Variants in PKD1L1 observed in about 807,000 individuals in gnomAD.
PKD1L1 encodes the protein polycystin 1 like 1, transient receptor potential channel interacting, also known as polycystin-1-like protein 1.
In PKD1L1, 236 loss-of-function variants were observed where a neutral mutation model predicts 323.4. That is an observed-to-expected ratio of 0.73 (90% CI 0.66 to 0.81). The LOEUF (loss-of-function observed/expected upper bound fraction) is 0.81, where lower values mean the gene tolerates loss of function less well. PKD1L1 is among the 40% of genes least tolerant of loss of function. The pLI is 0.00. For missense variants in PKD1L1, 3,320 were observed against 3,508.0 expected, an observed-to-expected ratio of 0.95 and a Z score of 1.35; for synonymous variants, 1,344 against 1,335.0, an observed-to-expected ratio of 1.01 and a Z score of -0.15.
intron 18 of PKD1L1, among the ~76,000 whole-genome samples, chr7:47,885,484 T>C (rs542490314): frequency 1.3e-5 from 2 of 152,282 alleles, no homozygotes; most frequent in East Asian, 3.9e-4. Flanking sequence ...CATGGGTTTG[T>C]CATTTTCCCA....
chr7:47,797,591 A>G (rs1784571771), intron 54 of PKD1L1, among the ~76,000 whole-genome samples: 1 of 152,202 alleles, frequency 6.6e-6, no homozygotes, highest in Non-Finnish European at 1.5e-5. Flanking sequence ...TGCCTGTCTC[A>G]GAAGATAGCA....
At chr7:47,853,821 G>C (rs1785838133) in intron 30 of PKD1L1, among the ~76,000 whole-genome samples, 1 of 147,554 alleles carries the variant, frequency 6.8e-6, no homozygotes, top group Non-Finnish European at 1.5e-5. Context: ...TAGCAAACAA[G>C]TACAAGAATG....
intron 48 of PKD1L1, 63 bp from the exon 49 acceptor site, chr7:47,813,356 G>A: frequency 6.4e-7 from 1 of 1,570,516 alleles, no homozygotes; most frequent in Non-Finnish European, 8.7e-7. Flanking sequence ...CTGCAATCCG[G>A]GGTCTCCAGG....
At chr7:47,777,385 A>G (rs564906523) in intron 56 of PKD1L1, among the ~76,000 whole-genome samples, 14 of 152,264 alleles carry the variant, frequency 9.2e-5, no homozygotes, top group African/African-American at 3.4e-4. Flanking sequence ...TTTGGATGTG[A>G]TCCCTGGACC....
At chr7:47,800,532 T>C in intron 54 of PKD1L1, 117 bp downstream of exon 54, 1 of 1,050,272 alleles carries the variant, frequency 9.5e-7, no homozygotes, top group Non-Finnish European at 1.4e-6. Context: ...AGGGATTCAT[T>C]ACCATGAGAT....
Position 47,946,944 on chromosome 7 carries a change from C to T in PKD1L1, c.44+1453G>A, listed in dbSNP as rs1408574665. Among the ~76,000 whole-genome samples the T allele has an allele frequency of 6.6e-6, 1 of 152,156 alleles. No homozygotes were observed. The highest frequency in any genetic ancestry group is 1.5e-5 in the Non-Finnish European group (1 of 68,034). On this transcript the variant is annotated intron_variant, in intron 1 of 56. Transcript: ENST00000289672. This position sits in a 1 kb window ranked among gnomAD's most constrained non-coding sequence, Gnocchi z 4.1. ...GACTTCCGCTCCTCAGCTTTTCTTTCCTTTCTAAGGGCAAAGGGGTAATTC... is the reference window on the plus strand; with the variant it reads ...GACTTCCGCTCCTCAGCTTTTCTTTTCTTTCTAAGGGCAAAGGGGTAATTC...
intron 56 of PKD1L1, among the ~76,000 whole-genome samples, chr7:47,779,637 C>T (rs1289365867): frequency 1.3e-5 from 2 of 152,184 alleles, no homozygotes; most frequent in Non-Finnish European, 2.9e-5. Context: ...TCCACCTTTA[C>T]AGAGTCTAAA....
chr7:47,863,656 T>G (rs1583629524), intron 26 of PKD1L1, among the ~76,000 whole-genome samples: 4 of 152,202 alleles, frequency 2.6e-5, no homozygotes, highest in Non-Finnish European at 4.4e-5. Flanking sequence ...TTTGGCCAGA[T>G]AGAGATCTGC....
chr7:47,925,881 G>A (rs368365895), intron 7 of PKD1L1, among the ~76,000 whole-genome samples: 117 of 151,658 alleles, frequency 7.7e-4, no homozygotes, highest in African/African-American at 2.7e-3. Context: ...CAACCAGTTT[G>A]GGGACAAAAT....
intron 17 of PKD1L1, among the ~76,000 whole-genome samples, chr7:47,886,862 A>G (rs1786696813): frequency 6.6e-6 from 1 of 152,174 alleles, no homozygotes; most frequent in African/African-American, 2.4e-5. Context: ...GCAAGTATCT[A>G]GTATAACAGT....
rs143491578 is a variant in PKD1L1 at position 47,873,675 on chromosome 7, G to A, written c.3896+224C>T. Among the ~76,000 whole-genome samples, 29,461 of 128,096 alleles carry A rather than the reference G, an allele frequency of 0.23. 4,094 individuals carry two copies. Among genetic ancestry groups the A allele is most frequent in the African/African-American group, 0.3 (9,716 of 32,256 alleles). The allele number at this position is 128,096 out of a possible 152,430, so 84.0% of individuals were successfully genotyped here. ...AAAAAAAAAAAAAAAAAAAAAAGAA[G>A]GAGAAGAAAGTAGCTTTATAGGCTC... On this transcript the variant is annotated intron_variant, in intron 24 of 56. Transcript: ENST00000289672.
At chr7:47,832,944 G>T in intron 41 of PKD1L1, 146 bp downstream of exon 41, 6 of 1,071,260 alleles carry the variant, frequency 5.6e-6, no homozygotes, top group South Asian at 1.8e-5. Flanking sequence ...CCTCAGTTTT[G>T]GGTGGGCCCA....
chr7:47,873,368 G>T (rs1202761569), intron 24 of PKD1L1, among the ~76,000 whole-genome samples: 1 of 152,090 alleles, frequency 6.6e-6, no homozygotes, highest in Non-Finnish European at 1.5e-5. Context: ...AGAAAGTGAG[G>T]CTGGGCGCGG....
At chr7:47,853,812 A>G (rs1785837830) in intron 30 of PKD1L1, among the ~76,000 whole-genome samples, 2 of 151,902 alleles carry the variant, frequency 1.3e-5, no homozygotes, top group African/African-American at 4.8e-5. Flanking sequence ...ACACTTCAGT[A>G]GCAAACAAGT....
At chr7:47,878,558 T>C (rs867406220) in intron 21 of PKD1L1, among the ~76,000 whole-genome samples, 3 of 152,178 alleles carry the variant, frequency 2.0e-5, no homozygotes, top group Non-Finnish European at 2.9e-5. Flanking sequence ...ACATTAACCA[T>C]GGAAGACAGA....
chr7:47,778,615 C>T (rs1173713683), intron 56 of PKD1L1, among the ~76,000 whole-genome samples: 1 of 152,100 alleles, frequency 6.6e-6, no homozygotes, highest in Non-Finnish European at 1.5e-5. Flanking sequence ...TACCAACTTC[C>T]AGTGTGCTTA....
chr7:47,896,089 C>A (rs1003646224), intron 14 of PKD1L1, among the ~76,000 whole-genome samples: 3 of 152,134 alleles, frequency 2.0e-5, no homozygotes, highest in Non-Finnish European at 4.4e-5. Context: ...ATAATCCCAG[C>A]ACTTTGGGAG....
intron 2 of PKD1L1, among the ~76,000 whole-genome samples, chr7:47,941,430 T>G (rs1787983891): frequency 6.6e-6 from 1 of 152,234 alleles, no homozygotes; most frequent in Non-Finnish European, 1.5e-5. Flanking sequence ...GCAGTCAGCT[T>G]GCCCCTAGCC....
intron 7 of PKD1L1, among the ~76,000 whole-genome samples, chr7:47,922,525 C>A (rs1012475652): frequency 6.6e-6 from 1 of 151,938 alleles, no homozygotes; most frequent in Non-Finnish European, 1.5e-5. Context: ...GCCCCGCCGC[C>A]CCGTCTGAGA....
Sources: gnomAD v4.1 joint callset for allele counts (sites outside exome capture counted in the v4.1 genomes callset) on GRCh38, gnomAD v4.1.1 for gene constraint, Gnocchi (gnomAD v3.1) non-coding constraint, MANE v1.5 for transcripts, NCBI Gene and HGNC (gene_info 2026-07-23, HGNC 2026-07-21) for gene names.